Variants in FRMD3 observed in about 807,000 individuals in gnomAD.
FRMD3 encodes the protein FERM domain containing 3.
A neutral mutation model predicts 70.2 loss-of-function variants in FRMD3; 33 were observed. The observed-to-expected ratio is 0.47, with a 90% CI of 0.36 to 0.63. The LOEUF is 0.63. Among genes scored for constraint, FRMD3 ranks in the 20% least tolerant of loss-of-function variants. The pLI is 0.00. For missense variants in FRMD3, 632 were observed against 711.4 expected (o/e 0.89, Z 1.27); for synonymous variants, 279 against 255.9 (o/e 1.09, Z -0.86).
chr9:83,344,292 C>T (rs965253632), intron 4 of FRMD3, among the ~76,000 whole-genome samples: 5 of 152,134 alleles, frequency 3.3e-5, no homozygotes, highest in Admixed American at 2.0e-4. Flanking sequence ...TGTTTTTTCT[C>T]CTTCTCAACT....
chr9:83,358,916 C>T (rs1181068486), intron 3 of FRMD3, among the ~76,000 whole-genome samples: 1 of 152,078 alleles, frequency 6.6e-6, no homozygotes, highest in African/African-American at 2.4e-5. Context: ...GAGAACATTG[C>T]TCACTCATTC....
intron 3 of FRMD3, among the ~76,000 whole-genome samples, chr9:83,366,799 T>C (rs987546278): frequency 3.3e-5 from 5 of 152,222 alleles, no homozygotes; most frequent in Admixed American, 2.0e-4. Context: ...ACATACAACA[T>C]CTGTCCTCTT....
In FRMD3 at chr9:83,470,015, C is replaced by T. The variant is rs190846459; in HGVS notation, c.147+68070G>A. On this transcript the variant is annotated intron_variant, in intron 1 of 13. Transcript: ENST00000304195. Reference sequence around the variant, plus strand: ...TGTACTTTTTAAAGTACAGTTGATCCGGTGTGTTGAAACCATTAAATCTGG... The same window carrying T: ...TGTACTTTTTAAAGTACAGTTGATCTGGTGTGTTGAAACCATTAAATCTGG... Among the ~76,000 whole-genome samples the T allele has an allele frequency of 1.1e-4, 17 of 152,266 alleles. No individual in the cohort carries two copies. In the East Asian group the frequency reaches 1.5e-3, roughly 14 times the overall value.
intron 1 of FRMD3, among the ~76,000 whole-genome samples, chr9:83,524,433 A>G: frequency 6.6e-6 from 1 of 152,210 alleles, no homozygotes; most frequent in Non-Finnish European, 1.5e-5. Flanking sequence ...AGGTTACAAA[A>G]AGAAAGTAGA....
chr9:83,425,677 G>A (rs1391609939), intron 1 of FRMD3, among the ~76,000 whole-genome samples: 3 of 152,012 alleles, frequency 2.0e-5, no homozygotes, highest in Non-Finnish European at 2.9e-5. Flanking sequence ...AGGCCGAGGC[G>A]GGAGGATCAC....
upstream of FRMD3, among the ~76,000 whole-genome samples, chr9:83,542,898 A>G (rs759555669): frequency 5.9e-5 from 9 of 152,174 alleles, no homozygotes; most frequent in Non-Finnish European, 1.2e-4. Flanking sequence ...AGACATTCAC[A>G]TGCAAAAAAA....
intron 10 of FRMD3, among the ~76,000 whole-genome samples, chr9:83,299,688 T>C (rs558528278): frequency 9.9e-5 from 15 of 152,222 alleles, no homozygotes; most frequent in Non-Finnish European, 2.2e-4. Context: ...ATTGCCCAAG[T>C]GAGGGAACAA....
At chr9:83,348,433 A>G (rs1184570278) in intron 4 of FRMD3, among the ~76,000 whole-genome samples, 2 of 152,212 alleles carry the variant, frequency 1.3e-5, no homozygotes, top group Admixed American at 1.3e-4. Flanking sequence ...AACCAAAAGT[A>G]GATTAGTGGT....
At chr9:83,252,500 T>A (rs1000168236) in intron 13 of FRMD3, among the ~76,000 whole-genome samples, 16 of 152,058 alleles carry the variant, frequency 1.1e-4, no homozygotes, top group African/African-American at 2.9e-4. Flanking sequence ...CATGACAGGA[T>A]CAAATTCACA....
At chr9:83,563,833 A>C in the FRMD3 span, among the ~76,000 whole-genome samples, 1 of 152,140 alleles carries the variant, frequency 6.6e-6, no homozygotes. Flanking sequence ...ATGCCTGGGG[A>C]TTTGCAGAGT....
chr9:83,263,918 A>C (rs1833108526), intron 13 of FRMD3, among the ~76,000 whole-genome samples: 2 of 152,224 alleles, frequency 1.3e-5, no homozygotes, highest in African/African-American at 4.8e-5. Flanking sequence ...AGTAGCATAA[A>C]AGAAAATCTC....
chr9:83,577,666 C>T, the FRMD3 span, among the ~76,000 whole-genome samples: 1 of 151,848 alleles, frequency 6.6e-6, no homozygotes, highest in African/African-American at 2.4e-5. Context: ...GGATATGACA[C>T]AAAAAGCACA....
At chr9:83,528,213 G>C (rs1468847157) in intron 1 of FRMD3, among the ~76,000 whole-genome samples, 1 of 152,102 alleles carries the variant, frequency 6.6e-6, no homozygotes. Context: ...GATTCAGTTA[G>C]AGAGCAAGTG....
At chr9:83,366,965 G>A (rs764094532) in intron 3 of FRMD3, among the ~76,000 whole-genome samples, 27 of 152,056 alleles carry the variant, frequency 1.8e-4, no homozygotes, top group African/African-American at 3.1e-4. Flanking sequence ...CTCAGGAGGC[G>A]GAGGTTGCAG....
At chr9:83,505,067 G>A (rs1488147425) in intron 1 of FRMD3, among the ~76,000 whole-genome samples, 1 of 152,138 alleles carries the variant, frequency 6.6e-6, no homozygotes, top group Non-Finnish European at 1.5e-5. Flanking sequence ...CATTTACTCT[G>A]TGCCATGTGT....
chr9:83,407,863 C>CTCTCTCCTCTT (rs1564062644), intron 1 of FRMD3, among the ~76,000 whole-genome samples: 1 of 119,492 alleles, frequency 8.4e-6, no homozygotes, highest in African/African-American at 4.4e-5. Flanking sequence ...CTCTCTCTCT[C>CTCTCTCCTCTT]TCTCTCTCTC....
rs77940297 is a variant in FRMD3 at position 83,304,122 on chromosome 9, G to C, written c.927-4936C>G. Among the ~76,000 whole-genome samples, 151 of 152,220 alleles carry C rather than the reference G, an allele frequency of 9.9e-4. 1 individual carries two copies. The East Asian group carries it at 0.025, about 26-fold the overall frequency. On this transcript the variant is annotated intron_variant, in intron 10 of 13. Transcript: ENST00000304195. Reference sequence around the variant, plus strand: ...CCATTGTATGGATATACCGCATTTTGTTTATCCATTCATCATTTGATGGAC... The same window carrying C: ...CCATTGTATGGATATACCGCATTTTCTTTATCCATTCATCATTTGATGGAC...
intron 4 of FRMD3, among the ~76,000 whole-genome samples, chr9:83,347,974 A>C (rs1283439620): frequency 6.6e-6 from 1 of 152,200 alleles, no homozygotes; most frequent in Non-Finnish European, 1.5e-5. Flanking sequence ...ACGTAGGAAA[A>C]TGTTAGCAAA....
Position 83,538,292 on chromosome 9 carries a change from GAC to G in FRMD3, c.-63_-62del. On this transcript the variant is annotated 5_prime_UTR_variant, in exon 1 of 14. Coordinates refer to ENST00000304195, the MANE Select transcript of FRMD3 (RefSeq NM_174938.6). The surrounding 1 kb of genome is among the most constrained non-coding windows in gnomAD (Gnocchi z 4.7). ...GGCCGGCGCGGTGCTCGCCTGCGCG[GAC>G]ACACACGCTCGCACGCACTGTCCGG... is the stretch of plus-strand genomic sequence containing the variant. The G allele has an allele frequency of 6.6e-7, 1 of 1,504,808 alleles. No homozygotes were observed. The highest frequency in any genetic ancestry group is 1.3e-5 in the South Asian group (1 of 79,372). The allele number at this position is 1,504,808 out of a possible 1,614,324, so 93.2% of individuals were successfully genotyped here.
Sources: gnomAD v4.1 joint callset for allele counts (sites outside exome capture counted in the v4.1 genomes callset) on GRCh38, gnomAD v4.1.1 for gene constraint, Gnocchi (gnomAD v3.1) non-coding constraint, MANE v1.5 for transcripts, NCBI Gene and HGNC (gene_info 2026-07-23, HGNC 2026-07-21) for gene names.